STK32B: variants seen among roughly 807,000 people sequenced by gnomAD.
STK32B encodes serine/threonine-protein kinase 32B.
A neutral mutation model predicts 52.6 loss-of-function variants in STK32B; 43 were observed. The ratio of observed to expected loss-of-function variants is 0.82; its 90% confidence interval spans 0.64 to 1.05. The LOEUF is 1.05. Among genes scored for constraint, STK32B ranks in the 50% least tolerant of loss-of-function variants. The pLI is 0.00. For missense variants in STK32B, 621 were observed against 534.6 expected, an observed-to-expected ratio of 1.16 and a Z score of -1.59; for synonymous variants, 238 against 204.3, an observed-to-expected ratio of 1.17 and a Z score of -1.41.
intron 3 of STK32B, among the ~76,000 whole-genome samples, chr4:5,286,342 A>G (rs1316019915): frequency 2.0e-5 from 3 of 152,204 alleles, no homozygotes; most frequent in Admixed American, 6.5e-5. Context: ...TTATGGAAGT[A>G]TAAGATCTAT....
rs113920975 is a variant in STK32B at position 5,333,243 on chromosome 4, C to A, written c.434+1850C>A. On this transcript the variant is annotated intron_variant, in intron 4 of 11. Coordinates refer to ENST00000282908, the MANE Select transcript of STK32B (RefSeq NM_018401.3). The stretch of plus-strand genomic sequence containing the variant: ...GTTTTGATTTGCATTTCTCTGATGG[C>A]CAGTGATGGTGAGCATTTGGCTGCA... Among the ~76,000 whole-genome samples, 1,405 of 152,242 alleles carry A rather than the reference C, an allele frequency of 9.2e-3. 53 individuals are homozygous for A. The East Asian group carries it at 0.11, about 12-fold the overall frequency.
chr4:5,139,724 A>C, intron 1 of STK32B, 181 bp from the exon 2 acceptor site: 1 of 613,304 alleles, frequency 1.6e-6, no homozygotes, highest in Non-Finnish European at 2.9e-6. Flanking sequence ...TGTGCTGGGG[A>C]AAAAATGGAA....
At chr4:5,442,811 A>G (rs983423477) in intron 6 of STK32B, among the ~76,000 whole-genome samples, 6 of 152,168 alleles carry the variant, frequency 3.9e-5, no homozygotes, top group African/African-American at 7.2e-5. Context: ...TGGTGACACA[A>G]TCTCTCAGCA....
At chr4:5,249,062 G>T (rs1725682211) in intron 3 of STK32B, among the ~76,000 whole-genome samples, 1 of 151,510 alleles carries the variant, frequency 6.6e-6, no homozygotes, top group Non-Finnish European at 1.5e-5. Context: ...ATGTACCCTG[G>T]AACTTAAAGT....
At chr4:5,081,796 G>C (rs1419235048) in intron 1 of STK32B, among the ~76,000 whole-genome samples, 1 of 152,080 alleles carries the variant, frequency 6.6e-6, no homozygotes, top group African/African-American at 2.4e-5. Flanking sequence ...TGACGTCATT[G>C]AGTTTTCTGT....
At chr4:5,357,748 A>C (rs1281584257) in intron 4 of STK32B, among the ~76,000 whole-genome samples, 2 of 127,830 alleles carry the variant, frequency 1.6e-5, no homozygotes, top group Non-Finnish European at 3.1e-5. Context: ...ACTAAGCCTC[A>C]ATAAGATCAA....
intron 11 of STK32B, among the ~76,000 whole-genome samples, chr4:5,487,787 T>C (rs1387471156): frequency 6.6e-6 from 1 of 152,196 alleles, no homozygotes; most frequent in Admixed American, 6.5e-5. Context: ...ATAAGCTGTT[T>C]ACAGTGTGGA....
chr4:5,080,720 T>C (rs946131531), intron 1 of STK32B, among the ~76,000 whole-genome samples: 5 of 152,156 alleles, frequency 3.3e-5, no homozygotes, highest in African/African-American at 1.2e-4. Flanking sequence ...TACATACACA[T>C]TGTGAAATGA....
Position 5,396,036 on chromosome 4 carries a change from C to A in STK32B, c.435-2171C>A, listed in dbSNP as rs1736896457. ...GGCCCTAGCTGCCCTTTGAGGTTTG[C>A]CCTCAACTCTATCAGCTCTCCTTCC... On this transcript the variant is annotated intron_variant, in intron 4 of 11. Transcript: ENST00000282908. The surrounding 1 kb of genome is among the most constrained non-coding windows in gnomAD (Gnocchi z 4.7). 6.6e-6 allele frequency among the ~76,000 whole-genome samples: 1 copy of A among 152,234 alleles called. No individual in the cohort carries two copies.
chr4:5,055,867 A>T (rs199802128), intron 1 of STK32B, among the ~76,000 whole-genome samples: 77 of 90,544 alleles, frequency 8.5e-4, no homozygotes, highest in East Asian at 4.4e-3. Context: ...TCCTTGCTTT[A>T]TTTTTTTTTG....
In STK32B at chr4:5,331,322, G is replaced by T. The variant is rs200090475; in HGVS notation, c.363G>T (p.Gly121=). Residue 121 remains glycine (G), a synonymous_variant, in exon 4 of 12, where the codon GGG becomes GGT. Transcript: ENST00000282908. ...AGCAGAATGTGCATTTCACAGAGGGGACTGTGAAACTCTACATCTGTGAGC... is the reference window on the plus strand; with the variant it reads ...AGCAGAATGTGCATTTCACAGAGGGTACTGTGAAACTCTACATCTGTGAGC... ...HLQQNVHFTE[G]TVKLYICELA... 1.5e-5 allele frequency: 25 copies of T among 1,613,972 alleles called. No homozygotes were observed. Among genetic ancestry groups the T allele is most frequent in the South Asian group, 9.9e-5 (9 of 91,052 alleles).
chr4:5,265,274 T>C lies in STK32B; in HGVS notation c.261-65946T>C, dbSNP rs73797169. ...TGACAGGTGAGAACGCGTGGGTGTT[T>C]CTACAACTCCTGAGAGTAGCTGAAG... On this transcript the variant is annotated intron_variant, in intron 3 of 11. Coordinates refer to ENST00000282908, the MANE Select transcript of STK32B (RefSeq NM_018401.3). Among the ~76,000 whole-genome samples the C allele has an allele frequency of 6.4e-3, 971 of 152,314 alleles. 18 individuals are homozygous for C. Among genetic ancestry groups the C allele is most frequent in the Middle Eastern group, 0.017 (5 of 294 alleles).
At position 5,344,029 on chromosome 4, in the gene STK32B, C is replaced by G. The variant is rs565628673; in HGVS notation, c.434+12636C>G. Among the ~76,000 whole-genome samples, 9 of 152,288 alleles carry G rather than the reference C, an allele frequency of 5.9e-5. No individual in the cohort carries two copies. The East Asian group carries it at 1.5e-3, about 26-fold the overall frequency. On this transcript the variant is annotated intron_variant, in intron 4 of 11. Coordinates refer to ENST00000282908, the MANE Select transcript of STK32B (RefSeq NM_018401.3). ...GAACAATGAAGGCTGTTCAGAGTCT[C>G]CACGGTCCATAGGCAGTGCTGTTGG...
chr4:5,260,676 A>G (rs1726654332), intron 3 of STK32B, among the ~76,000 whole-genome samples: 2 of 152,204 alleles, frequency 1.3e-5, no homozygotes, highest in South Asian at 2.1e-4. Flanking sequence ...CATCTGGCAC[A>G]TGTCAGACGG....
At chr4:5,025,604 A>T in the STK32B span, among the ~76,000 whole-genome samples, 1 of 152,206 alleles carries the variant, frequency 6.6e-6, no homozygotes, top group Non-Finnish European at 1.5e-5. Flanking sequence ...CTAGGGGTCC[A>T]CAGTGAGAAC....
intron 9 of STK32B, among the ~76,000 whole-genome samples, chr4:5,464,765 T>G (rs930481131): frequency 2.0e-5 from 3 of 152,160 alleles, no homozygotes; most frequent in Non-Finnish European, 4.4e-5. Flanking sequence ...AGTGAGAAAT[T>G]GAGAGTTTGA....
At chr4:5,214,533 A>G (rs1368894467) in intron 3 of STK32B, among the ~76,000 whole-genome samples, 4 of 152,194 alleles carry the variant, frequency 2.6e-5, no homozygotes, top group African/African-American at 4.8e-5. Context: ...CTTCAGTGCC[A>G]TCTATCATTT....
At chr4:5,344,614 T>C (rs150117202) in intron 4 of STK32B, among the ~76,000 whole-genome samples, 135 of 152,322 alleles carry the variant, frequency 8.9e-4, no homozygotes, top group Non-Finnish European at 1.4e-3. Flanking sequence ...AAGGCTTCTT[T>C]ATTATTGAAG....
chr4:5,433,847 A>G (rs970590837), intron 6 of STK32B, among the ~76,000 whole-genome samples: 1 of 152,220 alleles, frequency 6.6e-6, no homozygotes, highest in African/African-American at 2.4e-5. Flanking sequence ...ATGAGGGAGT[A>G]AACTCTGTGT....
Sources: allele counts gnomAD v4.1 joint callset (sites outside exome capture counted in the v4.1 genomes callset), GRCh38; gene constraint gnomAD v4.1.1; non-coding constraint Gnocchi (gnomAD v3.1); transcripts MANE v1.5; gene names NCBI Gene and HGNC (gene_info 2026-07-23, HGNC 2026-07-21).